Variants in PTPRN2 observed in about 807,000 individuals in gnomAD.
PTPRN2 encodes the protein receptor-type tyrosine-protein phosphatase N2.
A neutral mutation model predicts 118.8 loss-of-function variants in PTPRN2; 74 were observed. The observed-to-expected ratio is 0.62, with a 90% CI of 0.52 to 0.76. The LOEUF (loss-of-function observed/expected upper bound fraction) is 0.76. Ranked by LOEUF, PTPRN2 falls within the 30% of genes least tolerant of loss-of-function variation. PTPRN2 has a pLI of 0.00. For synonymous variants in PTPRN2, 641 were observed against 608.0 expected (o/e 1.05, Z -0.80); for missense variants, 1,481 against 1,394.4 (o/e 1.06, Z -0.99).
intron 2 of PTPRN2, among the ~76,000 whole-genome samples, chr7:158,345,872 G>C (rs935154757): frequency 4.6e-5 from 7 of 152,156 alleles, no homozygotes; most frequent in African/African-American, 1.7e-4. Flanking sequence ...GGCAGAAGGA[G>C]TGGGGGTGGG....
intron 12 of PTPRN2, among the ~76,000 whole-genome samples, chr7:157,820,509 G>A (rs770791181): frequency 1.6e-4 from 22 of 136,382 alleles, no homozygotes; most frequent in Non-Finnish European, 2.6e-4. Context: ...TCCAACACAC[G>A]CATTCTTACA....
At chr7:158,313,537 A>G (rs1305558383) in intron 3 of PTPRN2, among the ~76,000 whole-genome samples, 1 of 152,140 alleles carries the variant, frequency 6.6e-6, no homozygotes, top group Non-Finnish European at 1.5e-5. Context: ...CTGGAGATGC[A>G]GGGCTGCCTG....
rs911532484 is a variant in PTPRN2 at position 157,764,216 on chromosome 7, G to A, written c.1789-81279C>T. Among the ~76,000 whole-genome samples the A allele has an allele frequency of 5.9e-5, 9 of 152,220 alleles. No individual in the cohort carries two copies. The highest frequency in any genetic ancestry group is 5.9e-4 in the Admixed American group (9 of 15,280). On this transcript the variant is annotated intron_variant, in intron 12 of 22. Coordinates refer to ENST00000389418, the MANE Select transcript of PTPRN2 (RefSeq NM_002847.5). This position sits in a 1 kb window ranked among gnomAD's most constrained non-coding sequence, Gnocchi z 4.5. ...CACAGAATCAGCCCAGGACCCAGCA[G>A]TTCCACCAGGGGCATATGCCCAAAA...
intron 3 of PTPRN2, among the ~76,000 whole-genome samples, chr7:158,287,588 CAGA>C (rs1421654937): frequency 6.6e-6 from 1 of 152,002 alleles, no homozygotes; most frequent in Non-Finnish European, 1.5e-5. Context: ...ATTGGTGGTT[CAGA>C]AGCATGTTGT....
chr7:158,460,964 G>T (rs190923334), intron 2 of PTPRN2, among the ~76,000 whole-genome samples: 1 of 152,160 alleles, frequency 6.6e-6, no homozygotes, highest in African/African-American at 2.4e-5. Flanking sequence ...ACATAAAGTT[G>T]GTTAGGAAAA....
In PTPRN2 at chr7:158,071,562, G is replaced by A. The variant is rs570926836; in HGVS notation, c.1723+9736C>T. 2.8e-3 allele frequency among the ~76,000 whole-genome samples: 73 copies of A among 26,074 alleles called. 3 individuals carry two copies. The highest frequency in any genetic ancestry group is 6.4e-3 in the African/African-American group (64 of 9,994). The allele number at this position is 26,074 out of a possible 152,430, so 17.1% of individuals were successfully genotyped here. Reference sequence around the variant, plus strand: ...GATGGAGGTGCTCCTGGTGGTGGAGGTGCTCCTGGTGGAGGTGCTCCTGGT... The same window carrying A: ...GATGGAGGTGCTCCTGGTGGTGGAGATGCTCCTGGTGGAGGTGCTCCTGGT... On this transcript the variant is annotated intron_variant, in intron 11 of 22. Coordinates refer to ENST00000389418, the MANE Select transcript of PTPRN2 (RefSeq NM_002847.5).
At chr7:158,496,308 GCGTCCC>G (rs1821847977) in intron 1 of PTPRN2, among the ~76,000 whole-genome samples, 1 of 85,000 alleles carries the variant, frequency 1.2e-5, no homozygotes, top group African/African-American at 4.8e-5. Flanking sequence ...CTTCCCTGCA[GCGTCCC>G]CCTTTCCTGT....
chr7:158,170,830 G>A (rs1296738967), intron 5 of PTPRN2, among the ~76,000 whole-genome samples: 4 of 152,048 alleles, frequency 2.6e-5, no homozygotes, highest in Admixed American at 2.0e-4. Context: ...CCAATGCTAC[G>A]AGCTTAATGA....
intron 20 of PTPRN2, 54 bp from the exon 21 acceptor site, chr7:157,569,020 C>A: frequency 1.3e-6 from 2 of 1,482,300 alleles, no homozygotes; most frequent in East Asian, 2.3e-5. Flanking sequence ...GAAGCCCGAC[C>A]CACAACAAAG....
intron 2 of PTPRN2, among the ~76,000 whole-genome samples, chr7:158,424,765 C>T (rs73729606): frequency 8.3e-4 from 126 of 152,046 alleles, no homozygotes; most frequent in African/African-American, 3.0e-3. Flanking sequence ...GGCCCACAGG[C>T]ATTAACCATC....
At chr7:158,053,855 T>TCCAGAGATGCAGAGACC (rs1809535558) in intron 11 of PTPRN2, among the ~76,000 whole-genome samples, 2 of 66,332 alleles carry the variant, frequency 3.0e-5, no homozygotes, top group African/African-American at 1.3e-4. Flanking sequence ...ACGCAGAGAC[T>TCCAGAGATGCAGAGACC]CCAGAGACGC....
intron 5 of PTPRN2, among the ~76,000 whole-genome samples, chr7:158,190,214 G>A (rs370019281): frequency 2.6e-5 from 4 of 152,260 alleles, no homozygotes; most frequent in South Asian, 2.1e-4. Context: ...CTGAGGACTC[G>A]AGGCACAGAA....
chr7:158,154,270 C>T (rs149708520), intron 6 of PTPRN2, among the ~76,000 whole-genome samples: 76 of 152,314 alleles, frequency 5.0e-4, no homozygotes, highest in Non-Finnish European at 7.2e-4. Flanking sequence ...AGTTGGGACT[C>T]GGGGAAACCC....
At chr7:158,562,819 C>T (rs865941408) in intron 1 of PTPRN2, among the ~76,000 whole-genome samples, 1 of 152,294 alleles carries the variant, frequency 6.6e-6, no homozygotes, top group Non-Finnish European at 1.5e-5. Context: ...GGGCACATAC[C>T]TCAACAGAAT....
intron 6 of PTPRN2, among the ~76,000 whole-genome samples, chr7:158,143,682 C>A (rs540495125): frequency 3.3e-5 from 5 of 152,188 alleles, no homozygotes; most frequent in African/African-American, 1.2e-4. Context: ...CCCAGAGTAA[C>A]GACCTGACCA....
chr7:157,649,688 G>A (rs1470344441), intron 14 of PTPRN2, among the ~76,000 whole-genome samples: 2 of 127,890 alleles, frequency 1.6e-5, no homozygotes, highest in Admixed American at 7.9e-5. Flanking sequence ...TCGGTGGGTC[G>A]GACCCATTCA....
intron 12 of PTPRN2, among the ~76,000 whole-genome samples, chr7:157,770,517 T>C (rs1489338646): frequency 3.3e-5 from 5 of 152,200 alleles, no homozygotes; most frequent in Non-Finnish European, 7.3e-5. Context: ...GCTAATTTCT[T>C]TTCATTTTCA....
chr7:158,341,508 G>A (rs1244970320), intron 2 of PTPRN2, among the ~76,000 whole-genome samples: 9 of 122,072 alleles, frequency 7.4e-5, no homozygotes, highest in African/African-American at 1.8e-4. Flanking sequence ...ACGTGCAGAC[G>A]TCACTCACAC....
intron 5 of PTPRN2, among the ~76,000 whole-genome samples, chr7:158,175,602 G>A (rs529051784): frequency 1.5e-4 from 23 of 152,214 alleles, no homozygotes; most frequent in South Asian, 4.1e-4. Flanking sequence ...CAGTGCTGTC[G>A]CCAAGACAAA....
Sources: allele counts gnomAD v4.1 joint callset (sites outside exome capture counted in the v4.1 genomes callset), GRCh38; gene constraint gnomAD v4.1.1; non-coding constraint Gnocchi (gnomAD v3.1); transcripts MANE v1.5; gene names NCBI Gene and HGNC (gene_info 2026-07-23, HGNC 2026-07-21).